Variants in PLXDC2 observed in about 807,000 individuals in gnomAD.
PLXDC2 encodes plexin domain-containing protein 2.
A neutral mutation model predicts 68.9 loss-of-function variants in PLXDC2; 40 were observed. That is an observed-to-expected ratio of 0.58 (90% CI 0.45 to 0.76). The LOEUF is 0.76. Among genes scored for constraint, PLXDC2 ranks in the 30% least tolerant of loss-of-function variants. The pLI is 0.00. For missense variants in PLXDC2, 644 were observed against 661.9 expected (o/e 0.97, Z 0.30); for synonymous variants, 243 against 234.2 (o/e 1.04, Z -0.34).
At chr10:19,870,227 A>ATGCACATCAT (rs1400030804) in intron 1 of PLXDC2, among the ~76,000 whole-genome samples, 1 of 152,198 alleles carries the variant, frequency 6.6e-6, no homozygotes, top group African/African-American at 2.4e-5. Flanking sequence ...AGGAGGAGAA[A>ATGCACATCAT]TGCACATCAA....
chr10:19,907,680 A>G (rs959570045), intron 1 of PLXDC2, among the ~76,000 whole-genome samples: 3 of 152,230 alleles, frequency 2.0e-5, no homozygotes, highest in African/African-American at 7.2e-5. Context: ...CTTCAACAGA[A>G]AACAGGAAAT....
At chr10:20,233,542 A>G (rs72795922) in intron 12 of PLXDC2, among the ~76,000 whole-genome samples, 6,039 of 152,256 alleles carry the variant, frequency 0.04, 163 homozygotes, top group South Asian at 0.076. Context: ...TACTATTTGT[A>G]ATCCCATTTT....
chr10:19,861,401 C>T (rs913135322), intron 1 of PLXDC2, among the ~76,000 whole-genome samples: 3 of 152,036 alleles, frequency 2.0e-5, no homozygotes, highest in African/African-American at 7.2e-5. Flanking sequence ...TCCTTCCTTC[C>T]TCTTCTTGCC....
intron 4 of PLXDC2, among the ~76,000 whole-genome samples, chr10:20,098,661 G>A (rs1368621786): frequency 1.3e-5 from 2 of 152,126 alleles, no homozygotes; most frequent in East Asian, 3.9e-4. Context: ...ATAGCATCCT[G>A]ATATTGTTCA....
At chr10:20,012,816 C>A (rs1835142661) in intron 2 of PLXDC2, among the ~76,000 whole-genome samples, 1 of 152,104 alleles carries the variant, frequency 6.6e-6, no homozygotes, top group Admixed American at 6.5e-5. Context: ...TTGTGTTTCC[C>A]TGAAAGAAAA....
chr10:19,866,454 T>C (rs1339403723), intron 1 of PLXDC2, among the ~76,000 whole-genome samples: 1 of 152,184 alleles, frequency 6.6e-6, no homozygotes, highest in Non-Finnish European at 1.5e-5. Flanking sequence ...TCTGCCTCTT[T>C]CTCACACTTA....
intron 4 of PLXDC2, among the ~76,000 whole-genome samples, chr10:20,114,703 A>G (rs1291316140): frequency 2.6e-5 from 4 of 152,180 alleles, no homozygotes; most frequent in Non-Finnish European, 5.9e-5. Context: ...GCAGGAAAGT[A>G]TATTTCAGGC....
intron 1 of PLXDC2, among the ~76,000 whole-genome samples, chr10:19,819,818 G>C (rs556312491): frequency 5.9e-5 from 9 of 152,288 alleles, no homozygotes; most frequent in South Asian, 4.1e-4. Flanking sequence ...CATTTGTAGA[G>C]TTTGTTATGA....
intron 2 of PLXDC2, among the ~76,000 whole-genome samples, chr10:20,044,217 CTT>C (rs1447424004): frequency 7.4e-5 from 1 of 13,594 alleles, no homozygotes; most frequent in Non-Finnish European, 1.3e-4. Context: ...CTCTGTCTTT[CTT>C]TCTTTCTTTC....
intron 1 of PLXDC2, among the ~76,000 whole-genome samples, chr10:19,883,871 A>C (rs1401761951): frequency 1.1e-5 from 1 of 89,198 alleles, no homozygotes; most frequent in Non-Finnish European, 2.3e-5. Context: ...TACTGTCTCC[A>C]GATCCCTTTA....
At chr10:19,848,146 T>G (rs1248835881) in intron 1 of PLXDC2, among the ~76,000 whole-genome samples, 1 of 152,128 alleles carries the variant, frequency 6.6e-6, no homozygotes, top group African/African-American at 2.4e-5. Flanking sequence ...AATTTCTTTT[T>G]AATTAAAAAA....
intron 1 of PLXDC2, among the ~76,000 whole-genome samples, chr10:19,987,504 C>T (rs1834660432): frequency 2.0e-5 from 3 of 151,828 alleles, no homozygotes; most frequent in African/African-American, 7.3e-5. Flanking sequence ...GTACACTTGC[C>T]ATCCTTTTTT....
intron 4 of PLXDC2, among the ~76,000 whole-genome samples, chr10:20,075,032 G>T (rs1177709081): frequency 1.3e-5 from 2 of 152,158 alleles, no homozygotes; most frequent in Non-Finnish European, 2.9e-5. Context: ...AGAGAAAGAT[G>T]AATTGCGTGA....
chr10:20,143,203 A>C, intron 4 of PLXDC2, 92 bp from the exon 5 acceptor site: 1 of 1,313,152 alleles, frequency 7.6e-7, no homozygotes, highest in East Asian at 2.4e-5. Context: ...TTTTATTTTC[A>C]TAATATGACT....
chr10:19,937,544 G>GTATATA (rs71388881), intron 1 of PLXDC2, among the ~76,000 whole-genome samples: 4,531 of 95,376 alleles, frequency 0.048, 228 homozygotes, highest in Non-Finnish European at 0.057. Flanking sequence ...TATAGTCAAT[G>GTATATA]TATATATATA....
intron 12 of PLXDC2, among the ~76,000 whole-genome samples, chr10:20,230,895 T>C (rs1011284755): frequency 6.0e-5 from 9 of 150,974 alleles, no homozygotes; most frequent in Non-Finnish European, 1.0e-4. Flanking sequence ...GTAGACCATA[T>C]GTTGAGTCAT....
chr10:20,133,730 T>C (rs999721365), intron 4 of PLXDC2, among the ~76,000 whole-genome samples: 1 of 152,196 alleles, frequency 6.6e-6, no homozygotes, highest in African/African-American at 2.4e-5. Context: ...GTCATGGATC[T>C]GAACGTTCAT....
At chr10:20,201,238 A>T (rs1390699884) in intron 9 of PLXDC2, among the ~76,000 whole-genome samples, 1 of 152,126 alleles carries the variant, frequency 6.6e-6, no homozygotes, top group African/African-American at 2.4e-5. Flanking sequence ...AGTAACATGG[A>T]TGGAACTGGA....
intron 1 of PLXDC2, among the ~76,000 whole-genome samples, chr10:19,963,727 G>A (rs1237872135): frequency 2.0e-5 from 3 of 152,050 alleles, no homozygotes; most frequent in Non-Finnish European, 4.4e-5. Flanking sequence ...TAGGAGATAT[G>A]CCTAATTTAA....
Sources: gnomAD v4.1 joint callset for allele counts (sites outside exome capture counted in the v4.1 genomes callset) on GRCh38, gnomAD v4.1.1 for gene constraint, MANE v1.5 for transcripts, NCBI Gene and HGNC (gene_info 2026-07-23, HGNC 2026-07-21) for gene names.